Variants in CRIM1 observed in about 807,000 individuals in gnomAD.
The protein encoded by CRIM1 is cysteine-rich motor neuron 1 protein.
A neutral mutation model predicts 116.4 loss-of-function variants in CRIM1; 32 were observed. The ratio of observed to expected loss-of-function variants is 0.27; its 90% CI spans 0.21 to 0.37. CRIM1 has a LOEUF of 0.37. CRIM1 is among the 10% of genes least tolerant of loss of function. CRIM1 has a pLI of 1.00. For synonymous variants in CRIM1, 590 were observed against 509.2 expected, an observed-to-expected ratio of 1.16 and a Z score of -2.13; for missense variants, 1,331 against 1,354.8, an observed-to-expected ratio of 0.98 and a Z score of 0.28.
At chr2:36,497,612 T>C (rs1361928602) in intron 7 of CRIM1, among the ~76,000 whole-genome samples, 1 of 152,214 alleles carries the variant, frequency 6.6e-6, no homozygotes, top group Non-Finnish European at 1.5e-5. Context: ...CCTTGGTTAT[T>C]GAAGGAAATT....
At chr2:36,377,195 C>G (rs1474370848) in intron 1 of CRIM1, among the ~76,000 whole-genome samples, 1 of 152,244 alleles carries the variant, frequency 6.6e-6, no homozygotes, top group African/African-American at 2.4e-5. Context: ...GCTGGTCTCA[C>G]TCCAGTGCTG....
chr2:36,457,067 G>A (rs1677194848), intron 4 of CRIM1, among the ~76,000 whole-genome samples: 1 of 152,164 alleles, frequency 6.6e-6, no homozygotes, highest in Admixed American at 6.5e-5. Context: ...AGGAAGCTAG[G>A]AAGAGAAGAG....
intron 1 of CRIM1, chr2:36,378,342 C>T (rs771045105): frequency 1.9e-5 from 9 of 471,070 alleles, no homozygotes; most frequent in African/African-American, 2.0e-5. Context: ...CGCCACCTAA[C>T]ATGTTTCTCT....
chr2:36,460,209 A>G (rs1187920693), intron 4 of CRIM1, among the ~76,000 whole-genome samples: 1 of 152,208 alleles, frequency 6.6e-6, no homozygotes, highest in Non-Finnish European at 1.5e-5. Flanking sequence ...ATTAACTCTA[A>G]GGATTACATT....
In CRIM1 at chr2:36,499,980, A is replaced by G. The variant is rs143293874; in HGVS notation, c.1501+633A>G. 9.6e-3 allele frequency among the ~76,000 whole-genome samples: 1,468 copies of G among 152,230 alleles called. 15 individuals are homozygous for G. The highest frequency in any genetic ancestry group is 0.033 in the African/African-American group (1,363 of 41,528). On this transcript the variant is annotated intron_variant, in intron 8 of 16. Transcript: ENST00000280527. ...TAGAACTTTGTTGATCTTTACCATCATTTGACACACAATATGTCATTGTCT... is the reference window on the plus strand; with the variant it reads ...TAGAACTTTGTTGATCTTTACCATCGTTTGACACACAATATGTCATTGTCT...
intron 1 of CRIM1, among the ~76,000 whole-genome samples, chr2:36,388,179 C>T (rs1671313949): frequency 6.6e-6 from 1 of 152,106 alleles, no homozygotes; most frequent in Non-Finnish European, 1.5e-5. Flanking sequence ...AGTGCTTCAG[C>T]AGTTGTCAGT....
intron 2 of CRIM1, among the ~76,000 whole-genome samples, chr2:36,437,993 G>A (rs919123682): frequency 6.6e-5 from 10 of 152,062 alleles, no homozygotes; most frequent in African/African-American, 2.4e-4. Context: ...TTAGCTGGAT[G>A]TGGTGGCACG....
chr2:36,474,440 CTG>C (rs1678795872), intron 5 of CRIM1, among the ~76,000 whole-genome samples: 1 of 152,180 alleles, frequency 6.6e-6, no homozygotes. Context: ...TCTAAGAGCA[CTG>C]TAGGTGTAGC....
chr2:36,359,479 A>G (rs1669079391), intron 1 of CRIM1, among the ~76,000 whole-genome samples: 1 of 152,204 alleles, frequency 6.6e-6, no homozygotes, highest in South Asian at 2.1e-4. Flanking sequence ...ATGGGCAGAA[A>G]TGGGCCCCTT....
intron 14 of CRIM1, among the ~76,000 whole-genome samples, chr2:36,541,995 G>T (rs1303873920): frequency 6.6e-6 from 1 of 152,170 alleles, no homozygotes; most frequent in Non-Finnish European, 1.5e-5. Flanking sequence ...CTCAGAGGCA[G>T]CTTCCCTTTT....
rs547087386 is a variant in CRIM1, at chr2:36,426,593, C to T, written c.506-14665C>T. On this transcript the variant is annotated intron_variant, in intron 2 of 16. Transcript: ENST00000280527. ...GAGCAATAGTCTGGATCCTGGAGCT[C>T]AGAAAATGGGCAGTAAGTCAGGGAC... Among the ~76,000 whole-genome samples the T allele has an allele frequency of 1.4e-4, 21 of 152,126 alleles. No homozygotes were observed. The South Asian group carries it at 4.4e-3, about 32-fold the overall frequency.
In CRIM1 at chr2:36,465,917, G is replaced by A. The variant is rs369239847; in HGVS notation, c.991+1262G>A. Among the ~76,000 whole-genome samples, 357 of 147,394 alleles carry A rather than the reference G, an allele frequency of 2.4e-3. 1 individual carries two copies. Among genetic ancestry groups the A allele is most frequent in the African/African-American group, 8.0e-3 (315 of 39,542 alleles). The stretch of plus-strand genomic sequence containing the variant: ...TTTTTTTTTTTTGAGACAGAGTCTC[G>A]CCCTGTCGCCCAGGCTGGAGTGCAG... On this transcript the variant is annotated intron_variant, in intron 5 of 16. Transcript: ENST00000280527.
intron 4 of CRIM1, among the ~76,000 whole-genome samples, chr2:36,456,648 C>G (rs1415801547): frequency 6.6e-6 from 1 of 152,152 alleles, no homozygotes; most frequent in Admixed American, 6.5e-5. Context: ...GGCCAGCTCT[C>G]GATGTGTGAT....
intron 15 of CRIM1, among the ~76,000 whole-genome samples, chr2:36,545,560 C>CTGAT (rs1667267139): frequency 6.6e-6 from 1 of 151,878 alleles, no homozygotes; most frequent in African/African-American, 2.4e-5. Flanking sequence ...TCCTAGGCAA[C>CTGAT]TGATTTGTTT....
At chr2:36,517,851 C>T (rs75627941) in intron 12 of CRIM1, among the ~76,000 whole-genome samples, 4,845 of 152,256 alleles carry the variant, frequency 0.032, 92 homozygotes, top group African/African-American at 0.066. Context: ...AAAGTCCCAC[C>T]GCACCAAATT....
chr2:36,506,539 C>T (rs1192071139), intron 8 of CRIM1, among the ~76,000 whole-genome samples: 4 of 152,102 alleles, frequency 2.6e-5, no homozygotes, highest in Non-Finnish European at 5.9e-5. Flanking sequence ...AGCTGTGTCA[C>T]GTTTTGAGCA....
chr2:36,493,284 G>A (rs1572862970), intron 7 of CRIM1, among the ~76,000 whole-genome samples: 1 of 151,832 alleles, frequency 6.6e-6, no homozygotes, highest in Non-Finnish European at 1.5e-5. Flanking sequence ...AAAAAAAAAA[G>A]CATTGTTTTC....
chr2:36,544,061 T>A (rs1007347646), intron 14 of CRIM1, among the ~76,000 whole-genome samples: 3 of 152,168 alleles, frequency 2.0e-5, no homozygotes, highest in Non-Finnish European at 4.4e-5. Context: ...TGGAAAGTAA[T>A]AAATAACTTC....
chr2:36,374,846 G>A (rs1240272714), intron 1 of CRIM1, among the ~76,000 whole-genome samples: 4 of 128,152 alleles, frequency 3.1e-5, no homozygotes, highest in African/African-American at 6.2e-5. Context: ...TGGCATGAGG[G>A]CTGTGGCTCT....
Sources: allele counts gnomAD v4.1 joint callset (sites outside exome capture counted in the v4.1 genomes callset), GRCh38; gene constraint gnomAD v4.1.1; transcripts MANE v1.5; gene names NCBI Gene and HGNC (gene_info 2026-07-23, HGNC 2026-07-21).